The following SPAG16 variants were observed in gnomAD, a reference collection of about 807,000 sequenced individuals.
SPAG16 encodes the protein sperm associated antigen 16.
Under a neutral mutation model 80.4 loss-of-function variants are expected in SPAG16, and 86 were observed. The ratio of observed to expected loss-of-function variants is 1.07; its 90% confidence interval spans 0.90 to 1.28. The LOEUF (loss-of-function observed/expected upper bound fraction) is 1.28. SPAG16 is among the 50% of genes most tolerant of loss of function. SPAG16 has a pLI of 0.00. For synonymous variants in SPAG16, 294 were observed against 265.9 expected (o/e 1.11, Z -1.03); for missense variants, 870 against 765.3 (o/e 1.14, Z -1.61).
At chr2:214,324,005 T>A (rs181433109) in intron 15 of SPAG16, among the ~76,000 whole-genome samples, 1 of 152,358 alleles carries the variant, frequency 6.6e-6, no homozygotes, top group Non-Finnish European at 1.5e-5. Flanking sequence ...AAAGGTCTGA[T>A]CTTTAGTAAA....
chr2:214,203,371 C>G (rs1008606599), intron 15 of SPAG16, among the ~76,000 whole-genome samples: 50 of 152,088 alleles, frequency 3.3e-4, no homozygotes, highest in African/African-American at 1.1e-3. Context: ...TGTGGAGACT[C>G]AAATCGTGAA....
At chr2:214,322,129 C>T (rs900226151) in intron 15 of SPAG16, among the ~76,000 whole-genome samples, 2 of 152,206 alleles carry the variant, frequency 1.3e-5, no homozygotes, top group Non-Finnish European at 2.9e-5. Flanking sequence ...GCTGTTAGCA[C>T]ACTGACTTAA....
At chr2:213,797,152 A>G (rs1415250958) in intron 10 of SPAG16, among the ~76,000 whole-genome samples, 1 of 152,216 alleles carries the variant, frequency 6.6e-6, no homozygotes, top group Non-Finnish European at 1.5e-5. Flanking sequence ...AACTGTTAAT[A>G]TAAGACATCC....
chr2:213,604,824 C>A (rs1021689042), intron 10 of SPAG16, among the ~76,000 whole-genome samples: 1 of 151,532 alleles, frequency 6.6e-6, no homozygotes, highest in Non-Finnish European at 1.5e-5. Flanking sequence ...GTAATATGTA[C>A]ACAATATTCT....
In SPAG16 at chr2:213,760,924, C is replaced by T. The variant is rs530345437; in HGVS notation, c.1071-101561C>T. ...GGGCTGAACTTGTTTATAACTACCC[C>T]GCTACTTCAATAATGACAGTAGTAG... On this transcript the variant is annotated intron_variant, in intron 10 of 15. Coordinates refer to ENST00000331683, the MANE Select transcript of SPAG16 (RefSeq NM_024532.5). Among the ~76,000 whole-genome samples the T allele has an allele frequency of 6.6e-5, 10 of 152,258 alleles. No individual in the cohort carries two copies. In the South Asian group the frequency reaches 1.5e-3, roughly 22 times the overall value.
intron 15 of SPAG16, among the ~76,000 whole-genome samples, chr2:214,184,475 G>A (rs994914106): frequency 6.6e-6 from 1 of 151,880 alleles, no homozygotes; most frequent in Non-Finnish European, 1.5e-5. Flanking sequence ...GATTTGTTTT[G>A]CTTTAAATGA....
At chr2:214,407,794 G>C (rs1035345244) in intron 15 of SPAG16, among the ~76,000 whole-genome samples, 6 of 151,610 alleles carry the variant, frequency 4.0e-5, no homozygotes, top group Non-Finnish European at 8.9e-5. Context: ...AAGTAATTTT[G>C]AACATTTTCT....
At chr2:213,794,049 C>T (rs182848806) in intron 10 of SPAG16, among the ~76,000 whole-genome samples, 74 of 152,196 alleles carry the variant, frequency 4.9e-4, no homozygotes, top group Admixed American at 8.5e-4. Context: ...AACTTTTCAA[C>T]CTTTTACAAA....
intron 15 of SPAG16, among the ~76,000 whole-genome samples, chr2:214,218,586 A>C (rs918363142): frequency 3.3e-5 from 5 of 152,224 alleles, no homozygotes; most frequent in Non-Finnish European, 7.3e-5. Flanking sequence ...AGGATAAGAG[A>C]TACTTGTACA....
At chr2:213,740,288 C>T (rs938841434) in intron 10 of SPAG16, among the ~76,000 whole-genome samples, 12 of 152,082 alleles carry the variant, frequency 7.9e-5, no homozygotes, top group Middle Eastern at 3.4e-3. Flanking sequence ...CAGATGACTC[C>T]AGGAATATAA....
At chr2:213,560,449 C>G (rs2059566179) in intron 10 of SPAG16, among the ~76,000 whole-genome samples, 1 of 151,882 alleles carries the variant, frequency 6.6e-6, no homozygotes, top group Non-Finnish European at 1.5e-5. Context: ...ATCAATGGAA[C>G]AAGTTTTAGC....
At chr2:213,938,971 AAAGAGAGCAG>A (rs1209601426) in intron 12 of SPAG16, among the ~76,000 whole-genome samples, 5 of 152,090 alleles carry the variant, frequency 3.3e-5, no homozygotes, top group African/African-American at 1.2e-4. Context: ...AACACTTAAC[AAAGAGAGCAG>A]AACTTGTTAA....
intron 9 of SPAG16, among the ~76,000 whole-genome samples, chr2:213,385,835 T>G (rs1292410368): frequency 6.6e-6 from 1 of 151,888 alleles, no homozygotes; most frequent in Admixed American, 6.6e-5. Context: ...TTCTTGTAAC[T>G]CAGAATAAAT....
chr2:214,076,925 T>C (rs1359740051), intron 13 of SPAG16, among the ~76,000 whole-genome samples: 1 of 152,124 alleles, frequency 6.6e-6, no homozygotes, highest in Admixed American at 6.6e-5. Context: ...GCTGGAGACA[T>C]AGTTCAGAGT....
chr2:214,240,654 C>A (rs1283899701), intron 15 of SPAG16: 1 of 152,160 alleles, frequency 6.6e-6, no homozygotes. Flanking sequence ...ATACAATCTA[C>A]TTCAGATAAT....
intron 11 of SPAG16, among the ~76,000 whole-genome samples, chr2:213,879,179 C>G (rs185238372): frequency 5.6e-4 from 84 of 150,906 alleles, no homozygotes; most frequent in African/African-American, 1.8e-3. Flanking sequence ...TTTTCTAATT[C>G]TGTGAAAAAT....
intron 10 of SPAG16, among the ~76,000 whole-genome samples, chr2:213,814,793 CAATAATAAT>C (rs111638731): frequency 3.3e-5 from 5 of 150,278 alleles, no homozygotes; most frequent in South Asian, 2.1e-4. Flanking sequence ...TGTCTCAAAA[CAATAATAAT>C]AATAATAATA....
intron 11 of SPAG16, among the ~76,000 whole-genome samples, chr2:213,866,268 C>T (rs762858154): frequency 5.9e-5 from 9 of 151,888 alleles, no homozygotes; most frequent in African/African-American, 1.9e-4. Flanking sequence ...TTAAACCTAA[C>T]GGATACAGTA....
At chr2:213,342,784 G>T (rs945634727) in intron 6 of SPAG16, among the ~76,000 whole-genome samples, 6 of 148,972 alleles carry the variant, frequency 4.0e-5, no homozygotes, top group Non-Finnish European at 7.5e-5. Context: ...ACATGAGGCA[G>T]TTTTTTTTTT....
Sources: allele counts gnomAD v4.1 joint callset (sites outside exome capture counted in the v4.1 genomes callset), GRCh38; gene constraint gnomAD v4.1.1; transcripts MANE v1.5; gene names NCBI Gene and HGNC (gene_info 2026-07-23, HGNC 2026-07-21).